Variants in OTOG observed in about 807,000 individuals in gnomAD.
The protein encoded by OTOG is otogelin.
OTOG carries 296 observed loss-of-function variants against 313.8 expected under a neutral mutation model. The observed-to-expected ratio is 0.94, with a 90% CI of 0.86 to 1.04. OTOG has a LOEUF of 1.04. Ranked by LOEUF, OTOG falls within the 50% of genes least tolerant of loss-of-function variation. The pLI, the probability that OTOG is intolerant of heterozygous loss-of-function variation, is 0.00. For missense variants in OTOG, 3,948 were observed against 3,840.1 expected (o/e 1.03, Z -0.74); for synonymous variants, 1,533 against 1,554.9 (o/e 0.99, Z 0.33).
intron 23 of OTOG, among the ~76,000 whole-genome samples, chr11:17,585,423 G>A (rs1852769689): frequency 6.6e-6 from 1 of 152,286 alleles, no homozygotes; most frequent in East Asian, 1.9e-4. Flanking sequence ...TTAGACAGGG[G>A]TTTGTCAATT....
At chr11:17,617,086 T>C (rs927304389) in intron 39 of OTOG, among the ~76,000 whole-genome samples, 1 of 152,230 alleles carries the variant, frequency 6.6e-6, no homozygotes, top group Non-Finnish European at 1.5e-5. Flanking sequence ...TTTTGTCAAA[T>C]GCTTTTTTCT....
intron 38 of OTOG, among the ~76,000 whole-genome samples, chr11:17,613,326 G>GCCCT (rs1448399873): frequency 5.6e-5 from 5 of 89,088 alleles, no homozygotes; most frequent in African/African-American, 3.1e-4. Flanking sequence ...TCTCTGCCCT[G>GCCCT]CCCTTCCTTC....
At chr11:17,553,778 G>A (rs1218546564) in intron 6 of OTOG, among the ~76,000 whole-genome samples, 1 of 152,190 alleles carries the variant, frequency 6.6e-6, no homozygotes, top group Non-Finnish European at 1.5e-5. Flanking sequence ...CTCTTTTCTG[G>A]CATAAGGTCT....
intron 39 of OTOG, among the ~76,000 whole-genome samples, chr11:17,624,640 A>G (rs1263549884): frequency 6.6e-6 from 1 of 152,004 alleles, no homozygotes; most frequent in Non-Finnish European, 1.5e-5. Flanking sequence ...ATTCGGGCTC[A>G]TTTTTGGTTC....
intron 16 of OTOG, 137 bp downstream of exon 16, chr11:17,569,425 A>G: frequency 8.0e-7 from 1 of 1,247,872 alleles, no homozygotes; most frequent in South Asian, 1.6e-5. Flanking sequence ...GATAGGGGAC[A>G]CTTTGGTTGC....
At chr11:17,640,892 C>G in intron 50 of OTOG, 21 bp from the exon 51 acceptor site, 1 of 1,548,726 alleles carries the variant, frequency 6.5e-7, no homozygotes, top group Non-Finnish European at 8.7e-7. Context: ...ATGACTGTTG[C>G]CGCCCTGCAT....
At chr11:17,601,811 G>T (rs1436412697) in intron 31 of OTOG, among the ~76,000 whole-genome samples, 1 of 152,210 alleles carries the variant, frequency 6.6e-6, no homozygotes, top group African/African-American at 2.4e-5. Context: ...TGTCCCTCAG[G>T]CCTGGGGTGG....
chr11:17,555,974 C>T (rs1200222919), intron 7 of OTOG, 77 bp downstream of exon 7: 1 of 1,160,724 alleles, frequency 8.6e-7, no homozygotes, highest in African/African-American at 1.5e-5. Context: ...ATCCGCTCTT[C>T]TCAAGCCCAA....
intron 28 of OTOG, among the ~76,000 whole-genome samples, chr11:17,594,712 C>T (rs1189049225): frequency 6.6e-6 from 1 of 152,210 alleles, no homozygotes; most frequent in Admixed American, 6.5e-5. Context: ...GGCTGCCAAT[C>T]TGTGAGCTGT....
At position 17,561,677 on chromosome 11, in the gene OTOG, CT is replaced by C; in HGVS notation, c.1515del (p.Gly506ValfsTer34). ...TAVCPAECSVTGDIHFTTFDG... is the reference protein window; with the variant it reads ...TAVCPAECSVXGDIHFTTFDG... ...TACCTCTCAGCTGAGTGCTCAGTGA[CT>C]GGTGACATTCACTTCACAACCTTTG... is the stretch of plus-strand genomic sequence containing the variant. On this transcript the variant is annotated frameshift_variant, in exon 15 of 56. Transcript: ENST00000399397. LOFTEE classifies it high-confidence loss of function. 6.4e-7 allele frequency: 1 copy of C among 1,550,572 alleles called. No homozygotes were observed. Among genetic ancestry groups the C allele is most frequent in the Non-Finnish European group, 8.7e-7 (1 of 1,146,990 alleles).
intron 20 of OTOG, 131 bp from the exon 21 acceptor site, chr11:17,576,425 C>A: frequency 1.4e-6 from 1 of 718,214 alleles, no homozygotes. Flanking sequence ...TGTCACATGT[C>A]ACTGTAGATA....
At chr11:17,571,692 C>T (rs148516517) in intron 17 of OTOG, among the ~76,000 whole-genome samples, 248 of 152,194 alleles carry the variant, frequency 1.6e-3, no homozygotes, top group Non-Finnish European at 2.9e-3. Flanking sequence ...ATTCATTCCC[C>T]GCCCCAAGTG....
At chr11:17,566,670 C>T (rs1565095696) in intron 15 of OTOG, among the ~76,000 whole-genome samples, 1 of 152,196 alleles carries the variant, frequency 6.6e-6, no homozygotes, top group East Asian at 1.9e-4. Context: ...CCTAATTGTT[C>T]AATTCCAGCA....
At position 17,574,831 on chromosome 11, in the gene OTOG, T is replaced by G; in HGVS notation, c.2405T>G (p.Leu802Arg). The stretch of plus-strand genomic sequence containing the variant: ...TGTGGGGTTGATGGTGGCGATGACC[T>G]GAGCAGAGACGAGTGTGTGGAGGGC... ...EACGVDGGDDLSRDECVEGCA... is the reference protein window; with the variant it reads ...EACGVDGGDDRSRDECVEGCA... Residue 802 changes from leucine (L) to arginine (R), a missense_variant, in exon 20 of 56, where the codon CTG becomes CGG. Leu to Arg is a moderately radical substitution (Grantham distance 102, BLOSUM62 -2). Coordinates refer to ENST00000399397, the MANE Select transcript of OTOG (RefSeq NM_001292063.2). 1 of 1,550,098 alleles carries G rather than the reference T, an allele frequency of 6.5e-7. No individual in the cohort carries two copies. Among genetic ancestry groups the G allele is most frequent in the Non-Finnish European group, 8.7e-7 (1 of 1,146,750 alleles).
At chr11:17,555,937 G>A in intron 7 of OTOG, 40 bp downstream of exon 7, 1 of 1,453,690 alleles carries the variant, frequency 6.9e-7, no homozygotes, top group Non-Finnish European at 9.4e-7. Flanking sequence ...TCCTATCCCT[G>A]ACACTGGTGG....
intron 28 of OTOG, 23 bp from the exon 29 acceptor site, chr11:17,596,015 A>G (rs768056591): frequency 3.3e-6 from 5 of 1,520,248 alleles, no homozygotes; most frequent in Non-Finnish European, 4.5e-6. Flanking sequence ...AGGGAGGTCA[A>G]CAGCCCTGCC....
intron 33 of OTOG, 100 bp from the exon 34 acceptor site, chr11:17,608,196 T>G: frequency 1.4e-6 from 1 of 740,086 alleles, no homozygotes. Context: ...CCTGCATGGG[T>G]CCATTTGTCC....
chr11:17,602,228 A>G lies in OTOG; in HGVS notation c.3728A>G (p.Tyr1243Cys), dbSNP rs964574883. The change falls in exon 32 of 56, where the codon TAT (tyrosine) becomes TGT (cysteine). Residue 1243 changes from tyrosine to cysteine, a missense_variant. Coordinates refer to ENST00000399397, the MANE Select transcript of OTOG (RefSeq NM_001292063.2). ...FFNKVLGKGPYQLSSLAAGGA... is the reference protein window; with the variant it reads ...FFNKVLGKGPCQLSSLAAGGA... ...TCTCCAGTGCTAGGTAAGGGCCCCT[A>G]TCAGCTATCCAGCTTGGCAGCCGGT... The G allele has an allele frequency of 3.9e-6, 6 of 1,550,436 alleles. No homozygotes were observed. Among genetic ancestry groups the G allele is most frequent in the Non-Finnish European group, 5.2e-6 (6 of 1,146,950 alleles).
chr11:17,550,153 T>A (rs997756679), intron 3 of OTOG, among the ~76,000 whole-genome samples: 1 of 152,220 alleles, frequency 6.6e-6, no homozygotes, highest in Non-Finnish European at 1.5e-5. Context: ...TGTTTTTGAC[T>A]GTCACCAATA....
Sources: allele counts gnomAD v4.1 joint callset (sites outside exome capture counted in the v4.1 genomes callset), GRCh38; gene constraint gnomAD v4.1.1; transcripts MANE v1.5; gene names NCBI Gene and HGNC (gene_info 2026-07-23, HGNC 2026-07-21).